PPARG: variants seen among roughly 807,000 people sequenced by gnomAD.
The protein encoded by PPARG is peroxisome proliferator-activated receptor gamma.
PPARG carries 17 observed loss-of-function variants against 39.2 expected under a neutral mutation model. The observed-to-expected ratio is 0.43, with a 90% CI of 0.30 to 0.65. The LOEUF is 0.65. Ranked by LOEUF, PPARG falls within the 30% of genes least tolerant of loss-of-function variation. PPARG has a pLI of 0.13. For missense variants in PPARG, 406 were observed against 585.9 expected (o/e 0.69, Z 3.17); for synonymous variants, 223 against 215.7 (o/e 1.03, Z -0.30).
At chr3:12,306,557 A>G (rs2047068987) in intron 1 of PPARG, among the ~76,000 whole-genome samples, 1 of 152,198 alleles carries the variant, frequency 6.6e-6, no homozygotes, top group Non-Finnish European at 1.5e-5. Flanking sequence ...CTTCCAGGGA[A>G]TGAGATGTCC....
chr3:12,292,720 A>G (rs950801576), intron 1 of PPARG, among the ~76,000 whole-genome samples: 1 of 152,218 alleles, frequency 6.6e-6, no homozygotes, highest in African/African-American at 2.4e-5. Context: ...TGAATATGCC[A>G]AAGAGGAGGC....
chr3:12,430,749 G>A (rs2051633904), intron 7 of PPARG, among the ~76,000 whole-genome samples: 1 of 152,146 alleles, frequency 6.6e-6, no homozygotes, highest in Non-Finnish European at 1.5e-5. Context: ...ATACTGTTGA[G>A]GAAGGATTTC....
chr3:12,414,935 G>C (rs150338135), intron 6 of PPARG, among the ~76,000 whole-genome samples: 1 of 152,262 alleles, frequency 6.6e-6, no homozygotes, highest in Non-Finnish European at 1.5e-5. Flanking sequence ...TGACGTACAA[G>C]TTTGGAAATA....
chr3:12,425,305 C>T (rs1262493043), intron 7 of PPARG, among the ~76,000 whole-genome samples: 1 of 152,130 alleles, frequency 6.6e-6, no homozygotes, highest in Non-Finnish European at 1.5e-5. Flanking sequence ...ATTTAGAGAG[C>T]GTGCATGTGT....
intron 1 of PPARG, among the ~76,000 whole-genome samples, chr3:12,294,277 A>G (rs1397873641): frequency 6.6e-6 from 1 of 152,266 alleles, no homozygotes; most frequent in Non-Finnish European, 1.5e-5. Flanking sequence ...GACAAGTCGC[A>G]GATCTTCCTT....
At position 12,342,694 on chromosome 3, in the gene PPARG, G is replaced by T. The variant is rs560055179; in HGVS notation, c.-9+30241G>T. On this transcript the variant is annotated intron_variant, in intron 2 of 7. Coordinates refer to ENST00000651735, the MANE Select transcript of PPARG (RefSeq NM_138711.6). Reference sequence around the variant, plus strand: ...CATAAACTTTAAGAGTTCAACATTGGTTATATCTGGTAGTGGAAGTATAAT... The same window carrying T: ...CATAAACTTTAAGAGTTCAACATTGTTTATATCTGGTAGTGGAAGTATAAT... 2.8e-4 allele frequency among the ~76,000 whole-genome samples: 42 copies of T among 152,166 alleles called. No individual in the cohort carries two copies. In the South Asian group the frequency reaches 8.3e-3, roughly 30 times the overall value.
At chr3:12,300,035 T>G (rs1357628034) in intron 1 of PPARG, among the ~76,000 whole-genome samples, 1 of 152,182 alleles carries the variant, frequency 6.6e-6, no homozygotes, top group African/African-American at 2.4e-5. Flanking sequence ...AGAAATAAAT[T>G]CTGAACCACA....
intron 2 of PPARG, among the ~76,000 whole-genome samples, chr3:12,317,281 C>T (rs185101387): frequency 4.5e-4 from 69 of 152,196 alleles, no homozygotes; most frequent in African/African-American, 1.6e-3. Flanking sequence ...TTTTGGCCTT[C>T]GGGTTTGTTT....
intron 1 of PPARG, among the ~76,000 whole-genome samples, chr3:12,298,477 A>G (rs1027693238): frequency 1.3e-5 from 2 of 152,050 alleles, no homozygotes; most frequent in East Asian, 3.9e-4. Flanking sequence ...GCATTGTCCT[A>G]GAAATCCCAA....
intron 5 of PPARG, among the ~76,000 whole-genome samples, chr3:12,397,841 C>G (rs1347108212): frequency 2.0e-5 from 3 of 152,136 alleles, no homozygotes; most frequent in African/African-American, 2.4e-5. Context: ...CCCTGTCCCT[C>G]TACCCTGCGT....
At chr3:12,353,341 C>T (rs1899951) in intron 2 of PPARG, among the ~76,000 whole-genome samples, 38,507 of 152,086 alleles carry the variant, frequency 0.25, 8,090 homozygotes, top group African/African-American at 0.58. Flanking sequence ...AAAATGTGAG[C>T]TCCTAAAGGC....
At chr3:12,344,001 C>G (rs970730341) in intron 2 of PPARG, among the ~76,000 whole-genome samples, 28 of 150,692 alleles carry the variant, frequency 1.9e-4, no homozygotes, top group Non-Finnish European at 3.7e-4. Flanking sequence ...CCTGGGAATA[C>G]AAGCATGTGC....
At chr3:12,298,657 C>T (rs1033494385) in intron 1 of PPARG, among the ~76,000 whole-genome samples, 2 of 152,100 alleles carry the variant, frequency 1.3e-5, no homozygotes, top group African/African-American at 4.8e-5. Flanking sequence ...AATATTTATT[C>T]TGTATGCCTC....
At chr3:12,425,719 G>A (rs535539832) in intron 7 of PPARG, among the ~76,000 whole-genome samples, 1 of 152,172 alleles carries the variant, frequency 6.6e-6, no homozygotes, top group Admixed American at 6.5e-5. Flanking sequence ...CTTAAGGGGG[G>A]ACTGCAGATG....
In PPARG at chr3:12,319,197, A is replaced by T. The variant is rs551600310; in HGVS notation, c.-9+6744A>T. ...TTTCAGTTTTGTCTGCATCACAGAG[A>T]TGTATGTTTCCCTAAGTTTGCTCAC... On this transcript the variant is annotated intron_variant, in intron 2 of 7. Transcript: ENST00000651735. Among the ~76,000 whole-genome samples, 3 of 152,312 alleles carry T rather than the reference A, an allele frequency of 2.0e-5. No individual in the cohort carries two copies. In the South Asian group the frequency reaches 6.2e-4, roughly 32 times the overall value.
intron 1 of PPARG, among the ~76,000 whole-genome samples, chr3:12,297,697 G>T (rs1324881111): frequency 6.6e-6 from 1 of 152,050 alleles, no homozygotes; most frequent in African/African-American, 2.4e-5. Flanking sequence ...GTTTAATTTT[G>T]TTGATTTGTT....
chr3:12,362,315 C>T (rs573563882), intron 2 of PPARG, among the ~76,000 whole-genome samples: 43 of 151,960 alleles, frequency 2.8e-4, no homozygotes, highest in African/African-American at 8.9e-4. Flanking sequence ...CTCAGGAGTT[C>T]GAGACCAGCC....
intron 1 of PPARG, among the ~76,000 whole-genome samples, chr3:12,295,905 T>C (rs1056446326): frequency 5.3e-5 from 8 of 152,168 alleles, no homozygotes; most frequent in African/African-American, 1.9e-4. Flanking sequence ...AGGTACTGAC[T>C]GAATTCTATT....
chr3:12,381,522 G>T (rs746236883), intron 4 of PPARG, 31 bp downstream of exon 4: 1 of 1,604,128 alleles, frequency 6.2e-7, no homozygotes, highest in South Asian at 1.1e-5. Context: ...CAAAGAAATT[G>T]TTGAAACTTT....
Sources: allele counts gnomAD v4.1 joint callset (sites outside exome capture counted in the v4.1 genomes callset), GRCh38; gene constraint gnomAD v4.1.1; transcripts MANE v1.5; gene names NCBI Gene and HGNC (gene_info 2026-07-23, HGNC 2026-07-21).